The following TNNT1 variants were observed in gnomAD, a reference collection of about 807,000 sequenced individuals.
TNNT1 encodes the protein troponin T1, slow skeletal type, also known as troponin T, slow skeletal muscle.
Under a neutral mutation model 50.6 loss-of-function variants are expected in TNNT1, and 53 were observed. The ratio of observed to expected loss-of-function variants is 1.05; its 90% CI spans 0.84 to 1.32. The LOEUF is 1.32. Among genes scored for constraint, TNNT1 ranks in the 40% most tolerant of loss-of-function variants. The pLI is 0.00. For missense variants in TNNT1, 348 were observed against 381.7 expected (o/e 0.91, Z 0.74); for synonymous variants, 142 against 138.0 (o/e 1.03, Z -0.20).
chr19:55,135,146 C>T (rs576591162), intron 11 of TNNT1, among the ~76,000 whole-genome samples: 134 of 152,222 alleles, frequency 8.8e-4, no homozygotes, highest in Non-Finnish European at 1.6e-3. Context: ...GCTACTCAGA[C>T]GAAAGCAGGT....
intron 11 of TNNT1, 45 bp from the exon 12 acceptor site, chr19:55,134,249 G>A: frequency 2.6e-6 from 4 of 1,540,266 alleles, no homozygotes; most frequent in Non-Finnish European, 3.5e-6. Flanking sequence ...AGAGGTTGTG[G>A]GAACCACCCA....
chr19:55,140,714 T>A (rs1267510231), intron 9 of TNNT1, 169 bp downstream of exon 9: 4 of 327,216 alleles, frequency 1.2e-5, no homozygotes, highest in Non-Finnish European at 2.1e-5. Flanking sequence ...AAGGCAGAGG[T>A]TACAGTGAGC....
chr19:55,146,480 G>A lies in TNNT1; in HGVS notation c.74-14C>T. 1.5e-6 allele frequency: 2 copies of A among 1,366,924 alleles called. No individual in the cohort carries two copies. Among genetic ancestry groups the A allele is most frequent in the Non-Finnish European group, 9.5e-7 (1 of 1,052,108 alleles). The allele number at this position is 1,366,924 out of a possible 1,614,324, so 84.7% of individuals were successfully genotyped here. On this transcript the variant is annotated splice_polypyrimidine_tract_variant and intron_variant, in intron 4 of 13. Transcript: ENST00000588981. ...GCTCTTCGGGGGCTGGGGAGGGGAG[G>A]GAGGAGCAGCGAGGGTTTGGGGAGC...
At chr19:55,140,791 A>G (rs1288816669) in intron 9 of TNNT1, 92 bp downstream of exon 9, 14 of 713,954 alleles carry the variant, frequency 2.0e-5, no homozygotes, top group African/African-American at 1.3e-4. Context: ...AATAATAATA[A>G]TAGTAATAAT....
intron 6 of TNNT1, among the ~76,000 whole-genome samples, chr19:55,144,392 G>GT (rs1409803848): frequency 6.6e-6 from 1 of 151,752 alleles, no homozygotes; most frequent in Non-Finnish European, 1.5e-5. Flanking sequence ...TTTTATTTAT[G>GT]TTTTAGAGAC....
At chr19:55,140,105 A>T (rs1448352628) in intron 9 of TNNT1, among the ~76,000 whole-genome samples, 1 of 151,512 alleles carries the variant, frequency 6.6e-6, no homozygotes, top group Non-Finnish European at 1.5e-5. Flanking sequence ...CCTGGGTGAC[A>T]GAGCGAGACT....
At chr19:55,148,639 G>A (rs2085624108) in intron 1 of TNNT1, among the ~76,000 whole-genome samples, 1 of 152,028 alleles carries the variant, frequency 6.6e-6, no homozygotes, top group African/African-American at 2.4e-5. Flanking sequence ...AAGAATATGA[G>A]ACCCCCAAAA....
At chr19:55,147,288 G>T in intron 1 of TNNT1, 120 bp from the exon 2 acceptor site, 1 of 934,298 alleles carries the variant, frequency 1.1e-6, no homozygotes, top group Non-Finnish European at 1.7e-6. Flanking sequence ...ACTCCTGGGT[G>T]TGAGAGAGGA....
At chr19:55,136,146 G>A (rs1382912336) in intron 11 of TNNT1, among the ~76,000 whole-genome samples, 2 of 152,070 alleles carry the variant, frequency 1.3e-5, no homozygotes, top group African/African-American at 4.8e-5. Context: ...TGCAACCCTG[G>A]AAGGGTTACT....
chr19:55,136,064 A>C (rs1420680586), intron 11 of TNNT1, among the ~76,000 whole-genome samples: 1 of 152,214 alleles, frequency 6.6e-6, no homozygotes, highest in Non-Finnish European at 1.5e-5. Context: ...ACTTTACAGC[A>C]CACTAGCAAA....
At position 55,146,476 on chromosome 19, in the gene TNNT1, G is replaced by A; in HGVS notation, c.74-10C>T. On this transcript the variant is annotated splice_polypyrimidine_tract_variant and intron_variant, in intron 4 of 13. Transcript: ENST00000588981. ...TCCGGCTCTTCGGGGGCTGGGGAGG[G>A]GAGGGAGGAGCAGCGAGGGTTTGGG... 3 of 1,373,284 alleles carry A rather than the reference G, an allele frequency of 2.2e-6. No homozygotes were observed. Among genetic ancestry groups the A allele is most frequent in the African/African-American group, 1.5e-5 (1 of 66,606 alleles). 85.1% of individuals were successfully genotyped at this position (1,373,284 alleles called of 1,614,324 possible).
chr19:55,144,135 C>T (rs1331863406), intron 6 of TNNT1, among the ~76,000 whole-genome samples: 3 of 132,902 alleles, frequency 2.3e-5, no homozygotes, highest in Non-Finnish European at 3.1e-5. Flanking sequence ...ATGACACGAT[C>T]TTGACTCACT....
intron 1 of TNNT1, among the ~76,000 whole-genome samples, chr19:55,148,411 C>T: frequency 6.6e-6 from 1 of 152,026 alleles, no homozygotes; most frequent in Admixed American, 6.6e-5. Flanking sequence ...CATTCTTAGA[C>T]CTCAAAGTCT....
intron 11 of TNNT1, chr19:55,135,482 G>A (rs866830617): frequency 4.3e-5 from 14 of 324,058 alleles, no homozygotes; most frequent in Admixed American, 8.3e-5. Context: ...ACAGCTCACC[G>A]CAGTCTCAAC....
chr19:55,143,113 G>A (rs1195168147), intron 6 of TNNT1, among the ~76,000 whole-genome samples: 4 of 151,222 alleles, frequency 2.6e-5, no homozygotes, highest in Non-Finnish European at 4.4e-5. Context: ...AGATTGCAGT[G>A]AGCCGAGATC....
At chr19:55,142,010 G>T in intron 6 of TNNT1, 90 bp from the exon 7 acceptor site, 3 of 1,337,378 alleles carry the variant, frequency 2.2e-6, no homozygotes, top group Non-Finnish European at 2.1e-6. Context: ...TGAGGTAGCC[G>T]CCAGCCCCGG....
chr19:55,140,737 A>T (rs1311013490), intron 9 of TNNT1, 146 bp downstream of exon 9: 1 of 441,124 alleles, frequency 2.3e-6, no homozygotes, highest in Non-Finnish European at 3.6e-6. Flanking sequence ...AGATCGTGCC[A>T]CTGCACTCCA....
Position 55,134,050 on chromosome 19 carries a change from C to T in TNNT1, c.750+16G>A, listed in dbSNP as rs755882752. The T allele has an allele frequency of 1.4e-5, 22 of 1,612,738 alleles. No individual in the cohort carries two copies. The highest frequency in any genetic ancestry group is 2.2e-5 in the South Asian group (2 of 90,860). On this transcript the variant is annotated intron_variant, in intron 12 of 13. Transcript: ENST00000588981. ...CCTGCCCTCTCTCCCTCCCTCCCTG[C>T]GGAGCTGGGTCTCACCTCATATTTC...
intron 6 of TNNT1, chr19:55,142,126 T>TA (rs1178476961): frequency 7.2e-6 from 4 of 558,536 alleles, no homozygotes; most frequent in Non-Finnish European, 1.3e-5. Flanking sequence ...GTTGTTGGTT[T>TA]TGTTTTGTTT....
Sources: gnomAD v4.1 joint callset for allele counts (sites outside exome capture counted in the v4.1 genomes callset) on GRCh38, gnomAD v4.1.1 for gene constraint, MANE v1.5 for transcripts, NCBI Gene and HGNC (gene_info 2026-07-23, HGNC 2026-07-21) for gene names.